Variants in TMEM238L observed in about 807,000 individuals in gnomAD.
TMEM238L encodes the protein transmembrane protein 238 like.
At position 10,798,296 on chromosome 17, in the gene TMEM238L, T is replaced by C. The variant is rs1186487360; in HGVS notation, c.*119-2348A>G. Among the ~76,000 whole-genome samples, 7 of 152,208 alleles carry C rather than the reference T, an allele frequency of 4.6e-5. No individual in the cohort carries two copies. The East Asian group carries it at 1.4e-3, about 29-fold the overall frequency. ...TGCAATGCATTTTCCCTTGGAAACT[T>C]TGTGAAGTATCGTGCACATGCTTTA... On this transcript the variant is annotated intron_variant, in intron 1 of 1. Coordinates refer to ENST00000581851, the Ensembl canonical transcript of TMEM238L.
intron 1 of TMEM238L, 149 bp downstream of exon 1, chr17:10,803,457 C>G (rs1388540746): frequency 6.2e-6 from 2 of 320,740 alleles, no homozygotes; most frequent in Non-Finnish European, 1.1e-5. Flanking sequence ...GCTGGCCACC[C>G]CAGCAGGACC....
exon 2 of TMEM238L, chr17:10,795,136 C>G (rs1904501023): frequency 6.6e-6 from 1 of 152,264 alleles, no homozygotes; most frequent in Admixed American, 6.5e-5. Context: ...GCTTGACCCT[C>G]AGAGTTGCTG....
chr17:10,798,716 G>A lies in TMEM238L; in HGVS notation c.*119-2768C>T, dbSNP rs576180904. Among the ~76,000 whole-genome samples, 3 of 152,046 alleles carry A rather than the reference G, an allele frequency of 2.0e-5. No individual in the cohort carries two copies. The East Asian group carries it at 5.8e-4, about 29-fold the overall frequency. On this transcript the variant is annotated intron_variant, in intron 1 of 1. Coordinates refer to ENST00000581851, the Ensembl canonical transcript of TMEM238L. Reference sequence around the variant, plus strand: ...CTGGATGTGTGTGGTAGGTGTGAGTGTGTGGGGGGCGTGTTTGTGTGTGCA... The same window carrying A: ...CTGGATGTGTGTGGTAGGTGTGAGTATGTGGGGGGCGTGTTTGTGTGTGCA...
intron 1 of TMEM238L, among the ~76,000 whole-genome samples, chr17:10,802,764 G>C (rs908970314): frequency 6.6e-6 from 1 of 152,192 alleles, no homozygotes; most frequent in Non-Finnish European, 1.5e-5. Flanking sequence ...CAGTCCCCTG[G>C]AGACAGCTGT....
chr17:10,801,000 T>G (rs760669111), intron 1 of TMEM238L, among the ~76,000 whole-genome samples: 9 of 152,086 alleles, frequency 5.9e-5, no homozygotes, highest in Non-Finnish European at 1.2e-4. Flanking sequence ...ACAGGTCCAA[T>G]TATGTTAAGC....
chr17:10,802,375 A>G (rs1904772697), intron 1 of TMEM238L: 1 of 152,228 alleles, frequency 6.6e-6, no homozygotes, highest in Non-Finnish European at 1.5e-5. Flanking sequence ...AATAAGGGCC[A>G]GAAATATTCT....
intron 1 of TMEM238L, chr17:10,802,653 G>A (rs1003886765): frequency 4.6e-5 from 7 of 152,620 alleles, no homozygotes; most frequent in African/African-American, 1.7e-4. Context: ...CTTACTTCTG[G>A]TAAGGGAGTA....
rs184546068 is a variant in TMEM238L at position 10,800,123 on chromosome 17, A to G, written c.*118+3483T>C. Among the ~76,000 whole-genome samples, 609 of 152,148 alleles carry G rather than the reference A, an allele frequency of 4.0e-3. 7 individuals carry two copies. Among genetic ancestry groups the G allele is most frequent in the African/African-American group, 0.014 (574 of 41,498 alleles). ...ATTTTTGTGTATTTTTAGTAGAGAC[A>G]GGGTTTCACCGTGTTAGCCAGGATG... On this transcript the variant is annotated intron_variant, in intron 1 of 1. Transcript: ENST00000581851.
exon 2 of TMEM238L, chr17:10,795,176 TTAAGA>T (rs1224499031): frequency 6.6e-6 from 1 of 152,170 alleles, no homozygotes; most frequent in African/African-American, 2.4e-5. Context: ...CACCTGTAAC[TTAAGA>T]TAAAACAGTC....
chr17:10,799,014 C>T (rs1012757894), intron 1 of TMEM238L, among the ~76,000 whole-genome samples: 16 of 151,678 alleles, frequency 1.1e-4, no homozygotes, highest in East Asian at 9.8e-4. Context: ...ATCAGCCACT[C>T]GCCCTGAAAC....
In TMEM238L at chr17:10,800,805, C is replaced by A. The variant is rs145901823; in HGVS notation, c.*118+2801G>T. On this transcript the variant is annotated intron_variant, in intron 1 of 1. Coordinates refer to ENST00000581851, the Ensembl canonical transcript of TMEM238L. ...ATTCAAGCCAGAGTCTAGGTATGGC[C>A]CATGCTCTTCAACGCCGGGCTATTG... 2.6e-5 allele frequency among the ~76,000 whole-genome samples: 4 copies of A among 152,234 alleles called. No individual in the cohort carries two copies. The East Asian group carries it at 7.7e-4, about 29-fold the overall frequency.
rs1228319423 is a variant in TMEM238L at position 10,795,961 on chromosome 17, A to G, written c.*119-13T>C. ...CATCAGATGGGACCTGTGTTGAACA[A>G]AGGAAGATAAAATGGATCAGCCCCC... On this transcript the variant is annotated splice_polypyrimidine_tract_variant and intron_variant, in intron 1 of 1. Transcript: ENST00000581851. 6.6e-6 allele frequency: 1 copy of G among 152,236 alleles called. No homozygotes were observed. Among genetic ancestry groups the G allele is most frequent in the Non-Finnish European group, 1.5e-5 (1 of 68,062 alleles). The allele number at this position is 152,236 out of a possible 1,614,324, so 9.4% of individuals were successfully genotyped here.
intron 1 of TMEM238L, among the ~76,000 whole-genome samples, chr17:10,801,039 G>A (rs1904726162): frequency 6.6e-6 from 1 of 151,208 alleles, no homozygotes; most frequent in Admixed American, 6.6e-5. Flanking sequence ...CTCTTCAATG[G>A]ATTCCTTTTT....
chr17:10,803,372 G>A (rs1231549113), intron 1 of TMEM238L, among the ~76,000 whole-genome samples: 1 of 152,174 alleles, frequency 6.6e-6, no homozygotes, highest in South Asian at 2.1e-4. Context: ...GGTGGAAGGG[G>A]CTGTTGAGAC....
chr17:10,800,084 A>G (rs1390732960), intron 1 of TMEM238L, among the ~76,000 whole-genome samples: 2 of 151,994 alleles, frequency 1.3e-5, no homozygotes, highest in African/African-American at 4.8e-5. Context: ...GGCACCCGCC[A>G]CCATGCCCGG....
chr17:10,798,988 C>G (rs2151522405), intron 1 of TMEM238L, among the ~76,000 whole-genome samples: 1 of 152,206 alleles, frequency 6.6e-6, no homozygotes, highest in Admixed American at 6.5e-5. Flanking sequence ...TCTTGGAGCA[C>G]AGTTGATCTA....
At position 10,803,002 on chromosome 17, in the gene TMEM238L, G is replaced by GT. The variant is rs555001052; in HGVS notation, c.*118+603dup. ...GCGTGTGAGTGTGAGTGAGGGTGGG[G>GT]TGGGAATACTGCAGAGAGAGGAGGT... is the stretch of plus-strand genomic sequence containing the variant. On this transcript the variant is annotated intron_variant, in intron 1 of 1. Transcript: ENST00000581851. 3.3e-3 allele frequency among the ~76,000 whole-genome samples: 496 copies of GT among 152,296 alleles called. 10 individuals are homozygous for GT. The highest frequency in any genetic ancestry group is 0.03 in the Admixed American group (461 of 15,300).
At chr17:10,804,001 G>A (rs1466865993) in exon 1 of TMEM238L, 7 of 399,450 alleles carry the variant, frequency 1.8e-5, no homozygotes, top group Admixed American at 4.4e-5. Flanking sequence ...CTGCACTCCC[G>A]GGGGTGATTT....
intron 1 of TMEM238L, among the ~76,000 whole-genome samples, chr17:10,798,267 C>T (rs1243872169): frequency 1.3e-5 from 2 of 152,086 alleles, no homozygotes; most frequent in Non-Finnish European, 2.9e-5. Flanking sequence ...CTGTGCTTAT[C>T]TCCTGCAATG....
Sources: allele counts gnomAD v4.1 joint callset (sites outside exome capture counted in the v4.1 genomes callset), GRCh38; gene constraint gnomAD v4.1.1; transcripts MANE v1.5; gene names NCBI Gene and HGNC (gene_info 2026-07-23, HGNC 2026-07-21).